ZHX2: variants seen among roughly 807,000 people sequenced by gnomAD.
ZHX2 encodes zinc fingers and homeoboxes protein 2.
ZHX2 carries 6 observed loss-of-function variants against 21.9 expected under a neutral mutation model. The observed-to-expected ratio is 0.27, with a 90% CI of 0.15 to 0.54. The LOEUF (loss-of-function observed/expected upper bound fraction) is 0.54. ZHX2 is among the 20% of genes least tolerant of loss of function. The pLI is 0.95. For synonymous variants in ZHX2, 434 were observed against 437.1 expected (o/e 0.99, Z 0.09); for missense variants, 908 against 1,090.7 (o/e 0.83, Z 2.36).
At chr8:122,850,449 C>T (rs1349039705) in intron 1 of ZHX2, among the ~76,000 whole-genome samples, 1 of 152,004 alleles carries the variant, frequency 6.6e-6, no homozygotes, top group Non-Finnish European at 1.5e-5. Flanking sequence ...ACCAGCCTGG[C>T]CAACATGGCG....
intron 2 of ZHX2, among the ~76,000 whole-genome samples, chr8:122,895,506 T>G (rs1820078916): frequency 6.6e-6 from 1 of 152,214 alleles, no homozygotes; most frequent in East Asian, 1.9e-4. Context: ...AAATTGGAAT[T>G]CATAAACAAG....
intron 2 of ZHX2, among the ~76,000 whole-genome samples, chr8:122,937,584 CTTT>C (rs11297115): frequency 4.8e-5 from 7 of 146,112 alleles, no homozygotes; most frequent in Non-Finnish European, 4.5e-5. Flanking sequence ...CGTCTATTAT[CTTT>C]TTTTTTTTTT....
intron 2 of ZHX2, among the ~76,000 whole-genome samples, chr8:122,889,294 A>G (rs1307919700): frequency 1.3e-5 from 2 of 152,110 alleles, no homozygotes; most frequent in Non-Finnish European, 2.9e-5. Context: ...CTTTTTGAGG[A>G]ACTTCTATAC....
At chr8:122,931,520 G>C (rs1485066117) in intron 2 of ZHX2, among the ~76,000 whole-genome samples, 1 of 152,212 alleles carries the variant, frequency 6.6e-6, no homozygotes, top group African/African-American at 2.4e-5. Flanking sequence ...CTTAAAGACA[G>C]ATTTAGCTCC....
At chr8:122,851,913 A>G (rs1308723948) in intron 1 of ZHX2, among the ~76,000 whole-genome samples, 2 of 152,220 alleles carry the variant, frequency 1.3e-5, no homozygotes, top group African/African-American at 4.8e-5. Flanking sequence ...GACATTTGGA[A>G]ATGGAAACGC....
intron 1 of ZHX2, among the ~76,000 whole-genome samples, chr8:122,851,998 C>A (rs1818913242): frequency 1.3e-5 from 2 of 152,206 alleles, no homozygotes; most frequent in African/African-American, 4.8e-5. Flanking sequence ...TGATTTGGTT[C>A]TCCTTCCTGT....
intron 1 of ZHX2, among the ~76,000 whole-genome samples, chr8:122,856,332 T>C (rs1406772776): frequency 6.6e-6 from 1 of 152,206 alleles, no homozygotes; most frequent in African/African-American, 2.4e-5. Flanking sequence ...TCAAAGATGA[T>C]GTCTGCAGAT....
intron 2 of ZHX2, among the ~76,000 whole-genome samples, chr8:122,881,792 T>C (rs1819719194): frequency 6.6e-6 from 1 of 152,102 alleles, no homozygotes; most frequent in Admixed American, 6.6e-5. Context: ...TTTTCCAAGC[T>C]ACTTGACTTT....
intron 2 of ZHX2, among the ~76,000 whole-genome samples, chr8:122,921,999 C>T (rs1820752516): frequency 1.3e-5 from 2 of 152,118 alleles, no homozygotes; most frequent in African/African-American, 4.8e-5. Flanking sequence ...GAAACAAATA[C>T]ACAGGGGCCT....
chr8:122,790,733 G>A (rs748675320), intron 1 of ZHX2, among the ~76,000 whole-genome samples: 4 of 152,018 alleles, frequency 2.6e-5, no homozygotes, highest in Non-Finnish European at 2.9e-5. Flanking sequence ...TCAGTCTCCC[G>A]AGTAGCTGGG....
chr8:122,918,113 C>G (rs145281083), intron 2 of ZHX2, among the ~76,000 whole-genome samples: 1 of 152,330 alleles, frequency 6.6e-6, no homozygotes, highest in Non-Finnish European at 1.5e-5. Flanking sequence ...AGGCACCATT[C>G]TAAGTGCCTC....
chr8:122,812,497 G>A (rs1164002931), intron 1 of ZHX2, among the ~76,000 whole-genome samples: 2 of 152,128 alleles, frequency 1.3e-5, no homozygotes, highest in Non-Finnish European at 2.9e-5. Flanking sequence ...AAAATGGCAC[G>A]GAGCTAGGGT....
intron 2 of ZHX2, among the ~76,000 whole-genome samples, chr8:122,946,211 G>A (rs898723938): frequency 2.0e-5 from 3 of 152,114 alleles, no homozygotes; most frequent in Non-Finnish European, 4.4e-5. Context: ...GCAAGTACCA[G>A]ACTTCATGGT....
intron 3 of ZHX2, among the ~76,000 whole-genome samples, chr8:122,971,225 G>T (rs1351445822): frequency 1.3e-5 from 2 of 151,260 alleles, no homozygotes; most frequent in African/African-American, 4.9e-5. Context: ...GATCATTCTT[G>T]TTTTTGACCA....
Position 122,965,687 on chromosome 8 carries a change from C to A in ZHX2, c.*5-7555C>A, listed in dbSNP as rs534138040. Among the ~76,000 whole-genome samples the A allele has an allele frequency of 7.6e-4, 115 of 152,102 alleles. 1 individual carries two copies. Among genetic ancestry groups the A allele is most frequent in the Non-Finnish European group, 1.3e-3 (91 of 67,952 alleles). Reference sequence around the variant, plus strand: ...CCCATTTGTTCTACGGTGTAGTTTGCGTCTGTTGTTTCTTTGTTGGCTTTC... The same window carrying A: ...CCCATTTGTTCTACGGTGTAGTTTGAGTCTGTTGTTTCTTTGTTGGCTTTC... On this transcript the variant is annotated intron_variant, in intron 3 of 3. Coordinates refer to ENST00000314393, the MANE Select transcript of ZHX2 (RefSeq NM_014943.5).
intron 1 of ZHX2, among the ~76,000 whole-genome samples, chr8:122,789,576 A>AGAGGCCAG (rs566808743): frequency 7.2e-5 from 11 of 152,358 alleles, no homozygotes; most frequent in South Asian, 6.2e-4. Flanking sequence ...GGGAGTAGGG[A>AGAGGCCAG]GAGGCCAGGA....
chr8:122,818,089 GA>G (rs1329669685), intron 1 of ZHX2, among the ~76,000 whole-genome samples: 2 of 152,156 alleles, frequency 1.3e-5, no homozygotes, highest in African/African-American at 4.8e-5. Context: ...CTTGGCTTCG[GA>G]GGCAAGGAAT....
chr8:122,846,975 G>GCTGGATAAGGTACTCAGAACGTTGAA (rs1818765655), intron 1 of ZHX2, among the ~76,000 whole-genome samples: 1 of 152,132 alleles, frequency 6.6e-6, no homozygotes, highest in African/African-American at 2.4e-5. Context: ...AAAGAGTTGA[G>GCTGGATAAGGTACTCAGAACGTTGAA]CTGGATAAGG....
chr8:122,796,607 A>G (rs973210008), intron 1 of ZHX2, among the ~76,000 whole-genome samples: 5 of 152,114 alleles, frequency 3.3e-5, no homozygotes, highest in Non-Finnish European at 7.4e-5. Flanking sequence ...TTCCCTTTTT[A>G]GGTTCTTTGT....
Sources: gnomAD v4.1 joint callset for allele counts (sites outside exome capture counted in the v4.1 genomes callset) on GRCh38, gnomAD v4.1.1 for gene constraint, MANE v1.5 for transcripts, NCBI Gene and HGNC (gene_info 2026-07-23, HGNC 2026-07-21) for gene names.